PHF24: variants seen among roughly 807,000 people sequenced by gnomAD.
PHF24 encodes the protein PHD finger protein 24.
In PHF24, 25 loss-of-function variants were observed where a neutral mutation model predicts 42.6. The observed-to-expected ratio is 0.59, with a 90% confidence interval of 0.43 to 0.82. The LOEUF (loss-of-function observed/expected upper bound fraction) is 0.82. Among genes scored for constraint, PHF24 ranks in the 40% least tolerant of loss-of-function variants. The probability of loss-of-function intolerance (pLI) is 0.00; values close to 1 mark genes in which losing one functional copy is unlikely to be tolerated. For missense variants in PHF24, 470 were observed against 538.1 expected (o/e 0.87, Z 1.25); for synonymous variants, 185 against 204.8 (o/e 0.90, Z 0.83).
the PHF24 span, among the ~76,000 whole-genome samples, chr9:34,898,532 C>G: frequency 1.3e-5 from 2 of 152,170 alleles, no homozygotes; most frequent in Admixed American, 1.3e-4. Context: ...ATTTCATCAT[C>G]TGCCCTGAAC....
At chr9:34,687,932 T>A in the PHF24 span, among the ~76,000 whole-genome samples, 2 of 152,174 alleles carry the variant, frequency 1.3e-5, no homozygotes, top group Non-Finnish European at 2.9e-5. Flanking sequence ...GGAGGTCTGA[T>A]GAATGCAGAA....
chr9:34,894,651 G>A, the PHF24 span: 1 of 396,882 alleles, frequency 2.5e-6, no homozygotes, highest in Non-Finnish European at 4.4e-6. Context: ...AACCGTTTAC[G>A]ATGTGTTGTT....
At chr9:34,944,382 C>T in the PHF24 span, among the ~76,000 whole-genome samples, 1 of 152,226 alleles carries the variant, frequency 6.6e-6, no homozygotes, top group African/African-American at 2.4e-5. Context: ...AACATTTTGT[C>T]TCCCTTATCA....
chr9:34,726,587 T>A, the PHF24 span: 2 of 1,551,846 alleles, frequency 1.3e-6, no homozygotes, highest in African/African-American at 2.7e-5. Flanking sequence ...AGCTATGGTG[T>A]TTGGGCCCCG....
the PHF24 span, among the ~76,000 whole-genome samples, chr9:34,720,394 G>A: frequency 6.7e-6 from 1 of 149,948 alleles, no homozygotes; most frequent in South Asian, 2.1e-4. Context: ...GCAGTGAGCC[G>A]AGATTGCGCC....
chr9:34,691,155 G>A, the PHF24 span: 153 of 1,612,666 alleles, frequency 9.5e-5, 1 homozygote, highest in Non-Finnish European at 1.3e-4. Context: ...GTGAACAGAG[G>A]CAGGCCAACG....
At chr9:34,812,163 A>G in the PHF24 span, among the ~76,000 whole-genome samples, 2 of 152,182 alleles carry the variant, frequency 1.3e-5, no homozygotes, top group Non-Finnish European at 2.9e-5. Context: ...ACTTGAGCCT[A>G]GGACTTTGAG....
chr9:34,916,653 G>T, the PHF24 span, among the ~76,000 whole-genome samples: 3 of 152,188 alleles, frequency 2.0e-5, no homozygotes, highest in African/African-American at 7.2e-5. Flanking sequence ...ATGACAATTT[G>T]CAAAGGCATA....
the PHF24 span, among the ~76,000 whole-genome samples, chr9:34,811,768 G>T: frequency 1.1e-4 from 16 of 152,038 alleles, no homozygotes; most frequent in Admixed American, 4.6e-4. Context: ...GATACCAAAA[G>T]CATGAGTAAC....
chr9:34,917,284 G>A, the PHF24 span: 9 of 1,036,208 alleles, frequency 8.7e-6, no homozygotes, highest in Admixed American at 1.5e-4. Flanking sequence ...GATGGTACTG[G>A]AAAAGGACTG....
the PHF24 span, among the ~76,000 whole-genome samples, chr9:34,840,986 AC>A: frequency 5.3e-5 from 8 of 151,880 alleles, no homozygotes; most frequent in Non-Finnish European, 1.2e-4. Context: ...AGAAATTCAC[AC>A]TTCTTTTTTT....
the PHF24 span, among the ~76,000 whole-genome samples, chr9:34,886,836 A>ATCTG: frequency 6.6e-6 from 1 of 151,148 alleles, no homozygotes; most frequent in African/African-American, 2.4e-5. Flanking sequence ...GTATCTATGT[A>ATCTG]TCTATCTATC....
the PHF24 span, chr9:34,710,196 A>G: frequency 1.4e-6 from 1 of 707,366 alleles, no homozygotes; most frequent in South Asian, 1.9e-5. Flanking sequence ...CCCTTAACTT[A>G]TCCCCACTCC....
At chr9:34,867,033 A>G in the PHF24 span, among the ~76,000 whole-genome samples, 1 of 152,228 alleles carries the variant, frequency 6.6e-6, no homozygotes, top group East Asian at 1.9e-4. Context: ...ATATTTACTG[A>G]AAGCTCGAAA....
chr9:34,913,431 A>G, the PHF24 span, among the ~76,000 whole-genome samples: 1 of 152,220 alleles, frequency 6.6e-6, no homozygotes, highest in Non-Finnish European at 1.5e-5. Flanking sequence ...GGAAAATTCA[A>G]CTTAACTCTA....
the PHF24 span, among the ~76,000 whole-genome samples, chr9:34,731,794 T>G: frequency 1.3e-5 from 2 of 152,270 alleles, no homozygotes; most frequent in African/African-American, 4.8e-5. Context: ...TTTCTTTTGG[T>G]TATTGGTTGT....
chr9:34,971,305 G>T (rs1463375086), exon 2 of PHF24: 3 of 1,602,024 alleles, frequency 1.9e-6, no homozygotes, highest in Non-Finnish European at 1.7e-6. Flanking sequence ...AGCCATGGGG[G>T]TGTTGATGTC....
chr9:34,741,309 C>T, the PHF24 span, among the ~76,000 whole-genome samples: 1 of 152,124 alleles, frequency 6.6e-6, no homozygotes, highest in Non-Finnish European at 1.5e-5. Flanking sequence ...TTCTATTTTC[C>T]ACTTCTAACA....
chr9:34,971,737 A>T, intron 2 of PHF24, 61 bp downstream of exon 2: 1 of 1,518,718 alleles, frequency 6.6e-7, no homozygotes, highest in African/African-American at 1.4e-5. Context: ...AGGACAGGGA[A>T]GATGGATGTG....
Sources: gnomAD v4.1 joint callset for allele counts (sites outside exome capture counted in the v4.1 genomes callset) on GRCh38, gnomAD v4.1.1 for gene constraint, MANE v1.5 for transcripts, NCBI Gene and HGNC (gene_info 2026-07-23, HGNC 2026-07-21) for gene names.